GPC6: variants seen among roughly 807,000 people sequenced by gnomAD.
GPC6 encodes glypican 6, also known as glypican-6.
In GPC6, 14 loss-of-function variants were observed where a neutral mutation model predicts 55.2. The ratio of observed to expected loss-of-function variants is 0.25; its 90% CI spans 0.17 to 0.40. GPC6 has a LOEUF of 0.40. GPC6 is among the 10% of genes least tolerant of loss of function. The pLI is 1.00. For missense variants in GPC6, 641 were observed against 708.5 expected (o/e 0.90, Z 1.08); for synonymous variants, 278 against 259.6 (o/e 1.07, Z -0.68).
At chr13:93,864,251 C>T (rs1203381469) in intron 3 of GPC6, among the ~76,000 whole-genome samples, 2 of 151,678 alleles carry the variant, frequency 1.3e-5, no homozygotes, top group Middle Eastern at 3.2e-3. Context: ...CTGCCTTTCT[C>T]TTTCTTCCCG....
chr13:94,381,343 T>C (rs544029048), intron 6 of GPC6, among the ~76,000 whole-genome samples: 7 of 152,260 alleles, frequency 4.6e-5, no homozygotes, highest in Admixed American at 3.9e-4. Context: ...AATCAAGGTG[T>C]CGGCGGGGTT....
chr13:93,785,606 G>A (rs1885794908), intron 2 of GPC6, among the ~76,000 whole-genome samples: 1 of 152,162 alleles, frequency 6.6e-6, no homozygotes, highest in South Asian at 2.1e-4. Context: ...TGTGCAGTTT[G>A]CTATGGCCAT....
chr13:94,251,733 AAAC>A (rs1384393209), intron 4 of GPC6, among the ~76,000 whole-genome samples: 1 of 151,964 alleles, frequency 6.6e-6, no homozygotes, highest in Non-Finnish European at 1.5e-5. Flanking sequence ...AACAAAAACA[AAAC>A]AAACTGTTGC....
chr13:93,305,562 C>T lies in GPC6; in HGVS notation c.160+77946C>T, dbSNP rs113393534. Among the ~76,000 whole-genome samples, 778 of 152,240 alleles carry T rather than the reference C, an allele frequency of 5.1e-3. 2 individuals are homozygous for T. The highest frequency in any genetic ancestry group is 0.01 in the Middle Eastern group (3 of 292). On this transcript the variant is annotated intron_variant, in intron 1 of 8. Transcript: ENST00000377047. ...GCCAACTCTATCCATGAAAGAGCCA[C>T]GGAGATACTACTGATACTACTGAAG...
chr13:94,179,126 G>A (rs1888897117), intron 4 of GPC6, among the ~76,000 whole-genome samples: 1 of 152,148 alleles, frequency 6.6e-6, no homozygotes, highest in Admixed American at 6.5e-5. Flanking sequence ...AAATGACCTT[G>A]TCCTGATCAT....
chr13:93,836,028 C>G (rs1345559385), intron 3 of GPC6: 2 of 152,024 alleles, frequency 1.3e-5, no homozygotes, highest in Admixed American at 6.6e-5. Flanking sequence ...TTTAGTAAAA[C>G]CGGAATATTT....
intron 2 of GPC6, among the ~76,000 whole-genome samples, chr13:93,736,718 TATC>T (rs1237286647): frequency 6.6e-6 from 1 of 152,206 alleles, no homozygotes; most frequent in Non-Finnish European, 1.5e-5. Flanking sequence ...AGAAAAATAG[TATC>T]ATTTGCACGG....
intron 4 of GPC6, among the ~76,000 whole-genome samples, chr13:94,189,153 A>T (rs570663592): frequency 6.6e-6 from 1 of 152,268 alleles, no homozygotes; most frequent in Admixed American, 6.5e-5. Context: ...TCAATTTCTC[A>T]GGTGGTGGCG....
intron 1 of GPC6, among the ~76,000 whole-genome samples, chr13:93,253,347 AC>A (rs1876850304): frequency 6.6e-6 from 1 of 152,202 alleles, no homozygotes; most frequent in African/African-American, 2.4e-5. Context: ...CATAGAAACC[AC>A]TTGTAATTTT....
At chr13:93,999,036 T>A (rs1450307034) in intron 3 of GPC6, among the ~76,000 whole-genome samples, 11 of 152,146 alleles carry the variant, frequency 7.2e-5, no homozygotes, top group Admixed American at 2.6e-4. Context: ...GAGTTTGAAT[T>A]TTTTTTATTA....
intron 1 of GPC6, among the ~76,000 whole-genome samples, chr13:93,507,578 C>G (rs1209774253): frequency 6.6e-6 from 1 of 152,166 alleles, no homozygotes; most frequent in Non-Finnish European, 1.5e-5. Flanking sequence ...AATGATATAG[C>G]CAGCAAATAT....
intron 2 of GPC6, among the ~76,000 whole-genome samples, chr13:93,675,248 G>T (rs1881541531): frequency 1.3e-5 from 2 of 151,824 alleles, no homozygotes; most frequent in South Asian, 2.1e-4. Context: ...CAGTTTAGGG[G>T]TTTTTAATTA....
intron 4 of GPC6, among the ~76,000 whole-genome samples, chr13:94,277,273 A>G (rs1892245261): frequency 1.1e-5 from 1 of 94,670 alleles, no homozygotes; most frequent in Admixed American, 8.6e-5. Context: ...CGACTTTTTG[A>G]TGGGTTTTTT....
At chr13:94,398,360 T>C in intron 7 of GPC6, 106 bp from the exon 8 acceptor site, 6 of 852,598 alleles carry the variant, frequency 7.0e-6, no homozygotes, top group Non-Finnish European at 9.9e-6. Context: ...TTGCCAGGTG[T>C]CTTGGCTGAC....
chr13:94,254,680 A>G (rs1043776763), intron 4 of GPC6, among the ~76,000 whole-genome samples: 5 of 152,180 alleles, frequency 3.3e-5, no homozygotes, highest in Non-Finnish European at 5.9e-5. Flanking sequence ...TACTAAAGAA[A>G]AAAAAACATG....
intron 3 of GPC6, among the ~76,000 whole-genome samples, chr13:93,906,792 C>T (rs1594577285): frequency 6.6e-6 from 1 of 152,148 alleles, no homozygotes; most frequent in Non-Finnish European, 1.5e-5. Flanking sequence ...CAGCTGTGAA[C>T]ACAAAGGGGG....
At chr13:93,880,412 G>A (rs1239490669) in intron 3 of GPC6, among the ~76,000 whole-genome samples, 1 of 152,080 alleles carries the variant, frequency 6.6e-6, no homozygotes, top group African/African-American at 2.4e-5. Flanking sequence ...CATGTCCTTT[G>A]TGGGGACATG....
In GPC6 at chr13:93,432,421, A is replaced by C. The variant is rs577594301; in HGVS notation, c.161-112842A>C. The stretch of plus-strand genomic sequence containing the variant: ...GAGGAGGTGATATTTGAGCTGGGCC[A>C]TGAAGGGTGCAGATGGTGACAAAGA... On this transcript the variant is annotated intron_variant, in intron 1 of 8. Transcript: ENST00000377047. Among the ~76,000 whole-genome samples, 8 of 152,304 alleles carry C rather than the reference A, an allele frequency of 5.3e-5. No individual in the cohort carries two copies. The East Asian group carries it at 1.5e-3, about 29-fold the overall frequency.
intron 1 of GPC6, among the ~76,000 whole-genome samples, chr13:93,543,072 G>GC (rs1882389952): frequency 2.0e-5 from 3 of 152,090 alleles, no homozygotes; most frequent in Non-Finnish European, 4.4e-5. Flanking sequence ...TTGAATAGGA[G>GC]TGTGAGAGAG....
Sources: gnomAD v4.1 joint callset for allele counts (sites outside exome capture counted in the v4.1 genomes callset) on GRCh38, gnomAD v4.1.1 for gene constraint, MANE v1.5 for transcripts, NCBI Gene and HGNC (gene_info 2026-07-23, HGNC 2026-07-21) for gene names.